Variants in ZBTB40 observed in about 807,000 individuals in gnomAD.
ZBTB40 encodes zinc finger and BTB domain-containing protein 40.
ZBTB40 carries 60 observed loss-of-function variants against 117.5 expected under a neutral mutation model. The observed-to-expected ratio is 0.51, with a 90% CI of 0.41 to 0.63. ZBTB40 has a LOEUF of 0.63. Ranked by LOEUF, ZBTB40 falls within the 30% of genes least tolerant of loss-of-function variation. The probability of loss-of-function intolerance (pLI) is 0.00; values close to 1 mark genes in which losing one functional copy is unlikely to be tolerated. For missense variants in ZBTB40, 1,287 were observed against 1,498.5 expected, an observed-to-expected ratio of 0.86 and a Z score of 2.33; for synonymous variants, 525 against 577.1, an observed-to-expected ratio of 0.91 and a Z score of 1.29.
At chr1:22,440,038 A>G (rs1219949675) in intron 1 of ZBTB40, among the ~76,000 whole-genome samples, 1 of 151,972 alleles carries the variant, frequency 6.6e-6, no homozygotes, top group Non-Finnish European at 1.5e-5. Flanking sequence ...AAAGTCTTTC[A>G]CCTCCTTGGT....
At chr1:22,455,873 A>G (rs1640992898) in intron 1 of ZBTB40, among the ~76,000 whole-genome samples, 3 of 152,036 alleles carry the variant, frequency 2.0e-5, no homozygotes, top group South Asian at 2.1e-4. Flanking sequence ...TCTGTCTGCA[A>G]TGATGCTTTG....
chr1:22,517,035 A>G (rs1283718785), intron 12 of ZBTB40, among the ~76,000 whole-genome samples: 1 of 152,094 alleles, frequency 6.6e-6, no homozygotes, highest in Non-Finnish European at 1.5e-5. Flanking sequence ...TGGCTGATGA[A>G]CAGATGGGTT....
At chr1:22,473,690 TC>T (rs1327250545) in intron 1 of ZBTB40, among the ~76,000 whole-genome samples, 2 of 152,232 alleles carry the variant, frequency 1.3e-5, no homozygotes, top group East Asian at 3.8e-4. Context: ...ACCAGTTCCC[TC>T]AGGATGAGAC....
chr1:22,517,507 G>A (rs1049666161), intron 13 of ZBTB40, 43 bp downstream of exon 13: 33 of 1,593,562 alleles, frequency 2.1e-5, no homozygotes, highest in Non-Finnish European at 2.7e-5. Context: ...TGCCAGCCTG[G>A]CACTGGGAAA....
intron 1 of ZBTB40, among the ~76,000 whole-genome samples, chr1:22,431,301 G>GT (rs1640581615): frequency 1.7e-4 from 14 of 81,346 alleles, no homozygotes; most frequent in African/African-American, 1.3e-3. Flanking sequence ...TGAATATATT[G>GT]AATATACAGT....
upstream of ZBTB40, among the ~76,000 whole-genome samples, chr1:22,448,676 C>T (rs1172604771): frequency 6.6e-6 from 1 of 152,068 alleles, no homozygotes; most frequent in Non-Finnish European, 1.5e-5. Context: ...ATGTTACCTA[C>T]TTCATTAGGT....
intron 5 of ZBTB40, among the ~76,000 whole-genome samples, chr1:22,502,958 C>A (rs1450625388): frequency 6.6e-6 from 1 of 152,134 alleles, no homozygotes; most frequent in Non-Finnish European, 1.5e-5. Context: ...TGCTAACAGG[C>A]TGAAGCATGT....
intron 1 of ZBTB40, among the ~76,000 whole-genome samples, chr1:22,433,432 CAAAAAAAAAAAAA>C (rs767913519): frequency 2.3e-4 from 2 of 8,766 alleles, no homozygotes; most frequent in African/African-American, 4.9e-4. Context: ...GACGCCCTCT[CAAAAAAAAAAAAA>C]AAAAAAAAAA....
intron 1 of ZBTB40, chr1:22,452,828 TA>T (rs1438646276): frequency 1.3e-5 from 2 of 152,494 alleles, no homozygotes; most frequent in East Asian, 3.8e-4. Context: ...TCTTACTGAC[TA>T]TTCAGAGTTT....
At chr1:22,517,650 C>G in intron 13 of ZBTB40, 186 bp downstream of exon 13, 1 of 691,650 alleles carries the variant, frequency 1.4e-6, no homozygotes, top group South Asian at 2.3e-5. Context: ...TAAGGTATCT[C>G]ATATAACGCT....
At chr1:22,508,246 T>C (rs1639127962) in intron 7 of ZBTB40, 109 bp downstream of exon 7, 5 of 1,313,868 alleles carry the variant, frequency 3.8e-6, no homozygotes, top group Admixed American at 2.0e-5. Flanking sequence ...TATGTAGCCA[T>C]GTTGAGAATT....
chr1:22,435,519 G>A (rs559400174), intron 1 of ZBTB40, among the ~76,000 whole-genome samples: 1 of 150,894 alleles, frequency 6.6e-6, no homozygotes, highest in Admixed American at 6.6e-5. Flanking sequence ...GGGCTTTCTA[G>A]TTATATAATC....
intron 1 of ZBTB40, among the ~76,000 whole-genome samples, chr1:22,488,165 A>G (rs1010926677): frequency 6.6e-6 from 1 of 152,120 alleles, no homozygotes; most frequent in Non-Finnish European, 1.5e-5. Context: ...ATCCATCATT[A>G]TGTTGCCTTT....
intron 3 of ZBTB40, among the ~76,000 whole-genome samples, chr1:22,492,078 C>T (rs1040747572): frequency 2.6e-5 from 4 of 152,142 alleles, no homozygotes; most frequent in African/African-American, 9.7e-5. Context: ...CAAAAATCAT[C>T]AGTGTGAGTA....
chr1:22,490,710 GATTA>G, intron 2 of ZBTB40, 65 bp downstream of exon 2: 1 of 1,571,920 alleles, frequency 6.4e-7, no homozygotes, highest in Non-Finnish European at 8.6e-7. Flanking sequence ...TTTAATGTTT[GATTA>G]ATAAATTTAT....
At chr1:22,504,437 G>A (rs1208792878) in intron 5 of ZBTB40, among the ~76,000 whole-genome samples, 2 of 152,140 alleles carry the variant, frequency 1.3e-5, no homozygotes, top group East Asian at 3.8e-4. Flanking sequence ...TGCCCTCATA[G>A]CAACTTTATG....
Position 22,491,399 on chromosome 1 carries a change from G to C in ZBTB40, c.698-1G>C. On this transcript the variant is annotated splice_acceptor_variant, in intron 2 of 17. Coordinates refer to ENST00000375647, the MANE Select transcript of ZBTB40 (RefSeq NM_014870.4). LOFTEE classifies it high-confidence loss of function. ...TTTGTTTTATTTTGTTCTACATTTA[G>C]GATGTGAAAGGAAACACTACCAGCT... 1 of 1,613,628 alleles carries C rather than the reference G, an allele frequency of 6.2e-7. No individual in the cohort carries two copies. Among genetic ancestry groups the C allele is most frequent in the African/African-American group, 1.3e-5 (1 of 74,982 alleles).
chr1:22,484,453 C>A (rs906559362), intron 1 of ZBTB40, among the ~76,000 whole-genome samples: 5 of 152,140 alleles, frequency 3.3e-5, no homozygotes, highest in Admixed American at 2.6e-4. Context: ...TACCTTATTG[C>A]TGGTATATAG....
intron 9 of ZBTB40, among the ~76,000 whole-genome samples, chr1:22,510,501 T>C (rs1194847219): frequency 6.6e-6 from 1 of 152,208 alleles, no homozygotes; most frequent in Non-Finnish European, 1.5e-5. Flanking sequence ...AAATAAAATA[T>C]CTTCCAAAAT....
Sources: allele counts gnomAD v4.1 joint callset (sites outside exome capture counted in the v4.1 genomes callset), GRCh38; gene constraint gnomAD v4.1.1; transcripts MANE v1.5; gene names NCBI Gene and HGNC (gene_info 2026-07-23, HGNC 2026-07-21).